MAPRE2: variants seen among roughly 807,000 people sequenced by gnomAD.
The protein encoded by MAPRE2 is microtubule associated protein RP/EB family member 2.
A neutral mutation model predicts 43.2 loss-of-function variants in MAPRE2; 13 were observed. The observed-to-expected ratio is 0.30, with a 90% CI of 0.20 to 0.48. The LOEUF (loss-of-function observed/expected upper bound fraction) is 0.48. Ranked by LOEUF, MAPRE2 falls within the 20% of genes least tolerant of loss-of-function variation. The probability of loss-of-function intolerance (pLI) is 0.99; values close to 1 mark genes in which losing one functional copy is unlikely to be tolerated. For synonymous variants in MAPRE2, 135 were observed against 148.8 expected (o/e 0.91, Z 0.68); for missense variants, 161 against 400.2 (o/e 0.40, Z 5.10).
intron 2 of MAPRE2, among the ~76,000 whole-genome samples, chr18:35,030,553 G>A (rs925295053): frequency 4.6e-5 from 7 of 152,034 alleles, no homozygotes; most frequent in African/African-American, 9.7e-5. Flanking sequence ...ACTTAGAATA[G>A]CCCCCTTTCT....
chr18:35,082,277 G>T (rs1230482680), intron 2 of MAPRE2: 2 of 62,528 alleles, frequency 3.2e-5, no homozygotes. Context: ...GCGACAGAGC[G>T]AGACTCCGTC....
At chr18:35,114,630 G>A (rs886250459) in intron 4 of MAPRE2, among the ~76,000 whole-genome samples, 9 of 152,192 alleles carry the variant, frequency 5.9e-5, no homozygotes, top group African/African-American at 1.7e-4. Flanking sequence ...TGATTTGAAA[G>A]TGAAGGATAG....
rs115117883 is a variant in MAPRE2 at position 34,992,639 on chromosome 18, C to G, written c.-69-12853C>G. ...AATAGAGTGGGAACTATATTTTTTT[C>G]CTTTGGGGAATCCATAAATTACATT... On this transcript the variant is annotated intron_variant, in intron 1 of 7. Transcript: ENST00000413393. Among the ~76,000 whole-genome samples the G allele has an allele frequency of 3.7e-3, 555 of 151,888 alleles. 5 individuals carry two copies. Among genetic ancestry groups the G allele is most frequent in the African/African-American group, 0.013 (519 of 41,478 alleles).
chr18:35,089,133 A>G (rs1908018972), intron 2 of MAPRE2, among the ~76,000 whole-genome samples: 1 of 152,196 alleles, frequency 6.6e-6, no homozygotes, highest in African/African-American at 2.4e-5. Context: ...AGCAGGAATG[A>G]CTCAGTGAGT....
Position 35,127,034 on chromosome 18 carries a change from G to T in MAPRE2, c.697G>T (p.Ala233Ser), listed in dbSNP as rs897619253. 2 of 1,614,116 alleles carry T rather than the reference G, an allele frequency of 1.2e-6. No individual in the cohort carries two copies. Among genetic ancestry groups the T allele is most frequent in the African/African-American group, 1.3e-5 (1 of 75,022 alleles). Residue 233 changes from alanine (A) to serine (S), a missense_variant, in exon 5 of 7, where the codon GCA (alanine) becomes TCA (serine). Ala to Ser is a moderately conservative substitution (Grantham distance 99, BLOSUM62 1). Around this residue, in one of 2 missense-constraint regions of MAPRE2, gnomAD observed 96 missense variants for 153.3 expected, o/e 0.63. Transcript: ENST00000300249. ...CAAAAGGGCTTCTTCCAGTGGCTCAGCATCCAAATCCGATAAAGATTTAGA... is the reference window on the plus strand; with the variant it reads ...CAAAAGGGCTTCTTCCAGTGGCTCATCATCCAAATCCGATAAAGATTTAGA... ...SAKRASSSGS[A>S]SKSDKDLETQ...
intron 1 of MAPRE2, among the ~76,000 whole-genome samples, chr18:35,054,861 G>C (rs1322193449): frequency 2.0e-5 from 3 of 152,174 alleles, no homozygotes; most frequent in Non-Finnish European, 4.4e-5. Context: ...AGGCAGAGAT[G>C]ATTTGGTCAT....
At chr18:35,040,569 A>G (rs2150597486), upstream of MAPRE2, among the ~76,000 whole-genome samples, 2 of 152,364 alleles carry the variant, frequency 1.3e-5, no homozygotes, top group Middle Eastern at 3.4e-3. Context: ...TGAAAGCGGT[A>G]TTGCAAGGAT....
chr18:35,005,329 A>T (rs1036240217), intron 1 of MAPRE2, among the ~76,000 whole-genome samples: 1 of 152,214 alleles, frequency 6.6e-6, no homozygotes, highest in African/African-American at 2.4e-5. Flanking sequence ...AATCACTTTC[A>T]TATGGTAAGA....
chr18:34,986,326 A>G (rs1278297851), intron 1 of MAPRE2, among the ~76,000 whole-genome samples: 2 of 152,120 alleles, frequency 1.3e-5, no homozygotes, highest in African/African-American at 2.4e-5. Context: ...CAATTTAACA[A>G]CATTTGATAT....
chr18:35,128,779 G>C (rs988585058), intron 5 of MAPRE2, among the ~76,000 whole-genome samples: 19 of 152,056 alleles, frequency 1.2e-4, no homozygotes, highest in African/African-American at 4.6e-4. Flanking sequence ...GTTTCTTCAT[G>C]ACTCCTCCCT....
At chr18:35,015,632 C>CTGTGTG in intron 2 of MAPRE2, among the ~76,000 whole-genome samples, 1 of 78,072 alleles carries the variant, frequency 1.3e-5, no homozygotes, top group Non-Finnish European at 2.4e-5. Context: ...ATAGGGATGG[C>CTGTGTG]AGTGTGTGTG....
intron 3 of MAPRE2, among the ~76,000 whole-genome samples, chr18:35,098,425 AAGAC>A (rs574035812): frequency 4.7e-4 from 72 of 152,348 alleles, no homozygotes; most frequent in African/African-American, 1.3e-3. Context: ...CAGGTTATAA[AAGAC>A]AGAGATTAAA....
chr18:34,988,785 G>A (rs1440952274), intron 1 of MAPRE2: 2 of 152,208 alleles, frequency 1.3e-5, no homozygotes, highest in African/African-American at 4.8e-5. Flanking sequence ...CTGGGGAACA[G>A]TGATGTGCTC....
intron 2 of MAPRE2, among the ~76,000 whole-genome samples, chr18:35,032,861 A>C (rs776463107): frequency 6.6e-6 from 1 of 152,084 alleles, no homozygotes; most frequent in African/African-American, 2.4e-5. Flanking sequence ...AGTAGGATCA[A>C]TTCATCTGAT....
intron 1 of MAPRE2, among the ~76,000 whole-genome samples, chr18:34,980,023 C>CTTTTTTCTT (rs2097015254): frequency 7.5e-5 from 10 of 132,506 alleles, no homozygotes; most frequent in African/African-American, 2.9e-4. Flanking sequence ...TTTTCTTTTT[C>CTTTTTTCTT]TTTTTTTCTT....
chr18:35,130,106 C>T (rs1398935438), intron 5 of MAPRE2, among the ~76,000 whole-genome samples: 1 of 151,866 alleles, frequency 6.6e-6, no homozygotes, highest in Non-Finnish European at 1.5e-5. Flanking sequence ...GCCAGACAGA[C>T]CTATTTTCGT....
intron 2 of MAPRE2, among the ~76,000 whole-genome samples, chr18:35,086,864 T>C (rs535521592): frequency 4.6e-5 from 7 of 152,260 alleles, no homozygotes; most frequent in Admixed American, 6.5e-5. Context: ...CGCTAACAGA[T>C]TTTACCCAAA....
Position 35,097,461 on chromosome 18 carries a change from A to T in MAPRE2, c.266A>T (p.Gln89Leu). The T allele has an allele frequency of 6.2e-7, 1 of 1,613,846 alleles. No individual in the cohort carries two copies. Among genetic ancestry groups the T allele is most frequent in the Non-Finnish European group, 8.5e-7 (1 of 1,179,818 alleles). The change falls in exon 3 of 7, where the codon CAA (glutamine) becomes CTA (leucine). Residue 89 changes from glutamine to leucine, a missense_variant. By Grantham distance (113) the Gln-to-Leu change is moderately radical. This residue lies in a region of MAPRE2 where 65 missense variants were observed against 246.9 expected (regional missense o/e 0.26). Coordinates refer to ENST00000300249, the MANE Select transcript of MAPRE2 (RefSeq NM_014268.4). Reference sequence around the variant, plus strand: ...TTCTTTCCAGGAGCGGCCTATTGCCAATTCATGGACATGCTCTTCCCTGGC... The same window carrying T: ...TTCTTTCCAGGAGCGGCCTATTGCCTATTCATGGACATGCTCTTCCCTGGC... The part of the protein sequence containing the change: ...EQLCSGAAYC[Q>L]FMDMLFPGCI...
intron 1 of MAPRE2, among the ~76,000 whole-genome samples, chr18:35,064,147 TTCCAGCCTGGACTGCAC>T (rs1237491160): frequency 6.7e-6 from 1 of 150,320 alleles, no homozygotes; most frequent in Non-Finnish European, 1.5e-5. Flanking sequence ...CACCACTGCA[TTCCAGCCTGGACTGCAC>T]TCCAGCCTGA....
Sources: gnomAD v4.1 joint callset for allele counts (sites outside exome capture counted in the v4.1 genomes callset) on GRCh38, gnomAD v4.1.1 for gene constraint, gnomAD v4.1.1 regional missense constraint, MANE v1.5 for transcripts, NCBI Gene and HGNC (gene_info 2026-07-23, HGNC 2026-07-21) for gene names.